Variants in DMD observed in about 807,000 individuals in gnomAD.
DMD encodes mutant dystrophin.
A neutral mutation model predicts 330.1 loss-of-function variants in DMD; 63 were observed. The observed-to-expected ratio is 0.19, with a 90% CI of 0.16 to 0.24. DMD has a LOEUF of 0.24. Among genes scored for constraint, DMD ranks in the 10% least tolerant of loss-of-function variants. DMD has a pLI of 1.00. For missense variants in DMD, 3,344 were observed against 2,684.1 expected (o/e 1.25, Z -5.43); for synonymous variants, 1,223 against 959.8 (o/e 1.27, Z -5.07).
Position 32,977,923 on chromosome X carries a change from C to T in DMD, c.93+42216G>A, listed in dbSNP as rs192546631. On this transcript the variant is annotated intron_variant, in intron 2 of 78. Coordinates refer to ENST00000357033, the MANE Select transcript of DMD (RefSeq NM_004006.3). Reference sequence around the variant, plus strand: ...CTAAAGAAAAAATACATTTTCACAGCCAGGAAAAACATAGAATTTTTTTCA... The same window carrying T: ...CTAAAGAAAAAATACATTTTCACAGTCAGGAAAAACATAGAATTTTTTTCA... 1.4e-4 allele frequency among the ~76,000 whole-genome samples: 16 copies of T among 111,144 alleles called. No individual in the cohort carries two copies. The East Asian group carries it at 4.5e-3, about 32-fold the overall frequency.
chrX:31,789,134 G>T (rs1239759635), intron 50 of DMD, among the ~76,000 whole-genome samples: 1 of 111,102 alleles, frequency 9.0e-6, no homozygotes, highest in Non-Finnish European at 1.9e-5. Context: ...TTTTCTAATT[G>T]TTTTGTAGAT....
chrX:32,472,999 TATAGAG>T (rs2040826409), intron 21 of DMD, among the ~76,000 whole-genome samples: 1 of 110,971 alleles, frequency 9.0e-6, no homozygotes, highest in African/African-American at 3.3e-5. Context: ...GAAAGTATTA[TATAGAG>T]ATATACAGTA....
chrX:32,710,971 T>G (rs1297257123), intron 7 of DMD, among the ~76,000 whole-genome samples: 1 of 111,537 alleles, frequency 9.0e-6, no homozygotes, highest in Non-Finnish European at 1.9e-5. Context: ...ATAAACAATA[T>G]GATCACTAAT....
At chrX:32,013,276 A>G (rs1180904440) in intron 44 of DMD, among the ~76,000 whole-genome samples, 5 of 108,812 alleles carry the variant, frequency 4.6e-5, no homozygotes, top group African/African-American at 1.3e-4. Flanking sequence ...TAGTAGAGAT[A>G]GAGTTTCACC....
chrX:31,837,810 C>T (rs2093236047), intron 48 of DMD, among the ~76,000 whole-genome samples: 1 of 112,266 alleles, frequency 8.9e-6, no homozygotes, highest in South Asian at 3.7e-4. Context: ...ACTATAATCT[C>T]ATACTGCCCA....
chrX:32,711,343 G>GT (rs1425002628), intron 7 of DMD, among the ~76,000 whole-genome samples: 1 of 110,679 alleles, frequency 9.0e-6, no homozygotes, highest in African/African-American at 3.3e-5. Flanking sequence ...CAGGGGCTTG[G>GT]TATAACTATC....
At chrX:33,314,570 G>GTTTTTTTTTTTTTTTTTTTT (rs1170142842) in intron 1 of DMD, among the ~76,000 whole-genome samples, 5 of 79,052 alleles carry the variant, frequency 6.3e-5, no homozygotes, top group Non-Finnish European at 9.2e-5. Context: ...TTTTTTTTTT[G>GTTTTTTTTTTTTTTTTTTTT]TTTTTTTTTT....
intron 63 of DMD, among the ~76,000 whole-genome samples, chrX:31,238,230 G>T (rs1475510441): frequency 1.8e-5 from 2 of 111,162 alleles, no homozygotes; most frequent in Non-Finnish European, 3.8e-5. Flanking sequence ...CTTTTGGATT[G>T]CCTCCTACTT....
chrX:32,024,737 A>T (rs1202121599), intron 44 of DMD, among the ~76,000 whole-genome samples: 1 of 111,181 alleles, frequency 9.0e-6, no homozygotes, highest in South Asian at 3.8e-4. Flanking sequence ...ATGTAGAGAA[A>T]GTAATTTGAC....
At chrX:32,135,206 T>C (rs2096718743) in intron 44 of DMD, among the ~76,000 whole-genome samples, 1 of 112,163 alleles carries the variant, frequency 8.9e-6, no homozygotes, top group Non-Finnish European at 1.9e-5. Context: ...CTTTTTAAAT[T>C]AATAGTCCAC....
At chrX:32,412,161 C>T in intron 29 of DMD, 1 of 1,125,023 alleles carries the variant, frequency 8.9e-7, no homozygotes. Flanking sequence ...ATATCACGTA[C>T]ATTAAGGAAA....
intron 44 of DMD, among the ~76,000 whole-genome samples, chrX:32,159,875 T>C (rs2096842914): frequency 8.9e-6 from 1 of 111,901 alleles, no homozygotes; most frequent in Non-Finnish European, 1.9e-5. Context: ...TTGCTAGAAA[T>C]GCAGAATCTC....
intron 7 of DMD, among the ~76,000 whole-genome samples, chrX:32,782,552 T>C (rs772329304): frequency 1.8e-5 from 2 of 111,329 alleles, no homozygotes; most frequent in Admixed American, 1.9e-4. Flanking sequence ...CATTGTCAAG[T>C]TCTTCCTGCA....
chrX:32,800,767 T>A (rs1268422209), intron 7 of DMD, among the ~76,000 whole-genome samples: 1 of 110,587 alleles, frequency 9.0e-6, no homozygotes, highest in East Asian at 2.9e-4. Flanking sequence ...TTCTGGTTGT[T>A]CAACTCCGAT....
At chrX:32,264,883 G>T (rs1195181330) in intron 43 of DMD, among the ~76,000 whole-genome samples, 1 of 111,963 alleles carries the variant, frequency 8.9e-6, no homozygotes, top group Admixed American at 9.5e-5. Flanking sequence ...TCAGTTTTAT[G>T]TATCCACAAA....
intron 1 of DMD, among the ~76,000 whole-genome samples, chrX:33,131,287 T>C (rs2095497987): frequency 9.0e-6 from 1 of 111,025 alleles, no homozygotes; most frequent in East Asian, 2.8e-4. Context: ...TAGAATCCCC[T>C]GAAGAACTTC....
chrX:31,777,221 T>C (rs1298994854), intron 50 of DMD, among the ~76,000 whole-genome samples: 2 of 111,709 alleles, frequency 1.8e-5, no homozygotes, highest in Non-Finnish European at 3.8e-5. Flanking sequence ...AGGTTTTTAC[T>C]AGTTAGGTGA....
chrX:31,912,111 A>G (rs146226407), intron 47 of DMD, among the ~76,000 whole-genome samples: 1 of 111,104 alleles, frequency 9.0e-6, no homozygotes, highest in African/African-American at 3.3e-5. Flanking sequence ...CCAAAGCCAA[A>G]CTTGTACCAA....
In DMD at chrX:32,411,848, T is replaced by A; in HGVS notation, c.4137A>T (p.Leu1379Phe). Reference sequence around the variant, plus strand: ...ATGTGAGGGACTCCTGGATTAAGTGTAAGGATTTTTCAGTCTCCTGGGCAG... The same window carrying A: ...ATGTGAGGGACTCCTGGATTAAGTGAAAGGATTTTTCAGTCTCCTGGGCAG... ...IQSAQETEKSLHLIQESLTFI... is the reference protein window; with the variant it reads ...IQSAQETEKSFHLIQESLTFI... The change falls in exon 30 of 79, where the codon TTA becomes TTT. Residue 1379 changes from leucine (L) to phenylalanine (F), a missense_variant. Transcript: ENST00000357033. 8.3e-7 allele frequency: 1 copy of A among 1,211,002 alleles called. No individual in the cohort carries two copies. The highest frequency in any genetic ancestry group is 1.1e-6 in the Non-Finnish European group (1 of 895,091).
Sources: allele counts gnomAD v4.1 joint callset (sites outside exome capture counted in the v4.1 genomes callset), GRCh38; gene constraint gnomAD v4.1.1; transcripts MANE v1.5; gene names NCBI Gene and HGNC (gene_info 2026-07-23, HGNC 2026-07-21).